PDE10A: variants seen among roughly 807,000 people sequenced by gnomAD.
The protein encoded by PDE10A is phosphodiesterase 10A.
Under a neutral mutation model 97.7 loss-of-function variants are expected in PDE10A, and 39 were observed. That is an observed-to-expected ratio of 0.40 (90% CI 0.31 to 0.52). The LOEUF is 0.52. PDE10A is among the 20% of genes least tolerant of loss of function. The pLI, the probability that PDE10A is intolerant of heterozygous loss-of-function variation, is 0.56. For missense variants in PDE10A, 731 were observed against 1,047.8 expected, an observed-to-expected ratio of 0.70 and a Z score of 4.17; for synonymous variants, 371 against 376.8, an observed-to-expected ratio of 0.98 and a Z score of 0.18.
At chr6:165,482,381 C>T (rs372101677) in intron 2 of PDE10A, 38 bp from the exon 3 acceptor site, 9 of 1,530,272 alleles carry the variant, frequency 5.9e-6, no homozygotes, top group Admixed American at 3.3e-5. Context: ...ACACAATTAG[C>T]GACTGAGTAG....
chr6:165,468,059 C>T (rs1319290254), intron 3 of PDE10A, among the ~76,000 whole-genome samples: 78 of 152,062 alleles, frequency 5.1e-4, no homozygotes, highest in Non-Finnish European at 4.4e-5. Context: ...CATTTTTTAG[C>T]AATAAAGCCA....
intron 1 of PDE10A, among the ~76,000 whole-genome samples, chr6:165,742,534 A>G (rs888464305): frequency 1.4e-4 from 22 of 152,192 alleles, no homozygotes; most frequent in African/African-American, 5.3e-4. Flanking sequence ...TCAAGAAGAG[A>G]CCTCACACAG....
chr6:165,696,708 G>C (rs1450781487), intron 1 of PDE10A, among the ~76,000 whole-genome samples: 1 of 152,218 alleles, frequency 6.6e-6, no homozygotes, highest in South Asian at 2.1e-4. Context: ...AATTGCATGT[G>C]AGAATGACCA....
intron 1 of PDE10A, among the ~76,000 whole-genome samples, chr6:165,907,106 C>T (rs1396469990): frequency 6.6e-6 from 1 of 152,226 alleles, no homozygotes; most frequent in Non-Finnish European, 1.5e-5. Context: ...AGGTTTTGAA[C>T]TCATCAGGAC....
chr6:165,625,206 T>C (rs1788326376), intron 1 of PDE10A, among the ~76,000 whole-genome samples: 1 of 152,236 alleles, frequency 6.6e-6, no homozygotes, highest in South Asian at 2.1e-4. Flanking sequence ...GACAGCTGAC[T>C]GGCCCTGCGC....
intron 1 of PDE10A, among the ~76,000 whole-genome samples, chr6:165,789,698 C>T (rs1022919900): frequency 2.0e-5 from 3 of 152,184 alleles, no homozygotes; most frequent in Admixed American, 6.5e-5. Context: ...AAACGCCGTG[C>T]GGTCACTAGA....
intron 18 of PDE10A, among the ~76,000 whole-genome samples, chr6:165,373,160 T>C (rs949325980): frequency 1.7e-4 from 25 of 151,018 alleles, no homozygotes; most frequent in Non-Finnish European, 2.8e-4. Context: ...ATTCAGGACA[T>C]AGGCATGGGC....
chr6:165,523,242 C>T (rs1782236595), intron 2 of PDE10A, among the ~76,000 whole-genome samples: 1 of 152,140 alleles, frequency 6.6e-6, no homozygotes, highest in Non-Finnish European at 1.5e-5. Context: ...CTATCAACGT[C>T]ATTTTTCACA....
intron 1 of PDE10A, among the ~76,000 whole-genome samples, chr6:165,712,144 G>A (rs1221774353): frequency 6.6e-6 from 1 of 152,154 alleles, no homozygotes; most frequent in Non-Finnish European, 1.5e-5. Context: ...TGGTGTGGAG[G>A]AGGAAAAGGG....
At chr6:165,556,001 C>T (rs1370041732) in intron 1 of PDE10A, among the ~76,000 whole-genome samples, 3 of 151,624 alleles carry the variant, frequency 2.0e-5, no homozygotes, top group East Asian at 1.9e-4. Context: ...AACTTGCAGA[C>T]GAACTGCATA....
intron 5 of PDE10A, among the ~76,000 whole-genome samples, chr6:165,441,717 A>G (rs931589398): frequency 1.3e-5 from 2 of 152,212 alleles, no homozygotes; most frequent in Non-Finnish European, 2.9e-5. Context: ...ATGCGGGTAC[A>G]GGAGCCCAGG....
intron 1 of PDE10A, among the ~76,000 whole-genome samples, chr6:165,813,508 G>A (rs949713776): frequency 1.3e-5 from 2 of 152,110 alleles, no homozygotes; most frequent in Non-Finnish European, 2.9e-5. Context: ...TACATCCTAG[G>A]CTCCTTCCCG....
At chr6:165,699,133 G>A (rs1487051198) in intron 1 of PDE10A, among the ~76,000 whole-genome samples, 2 of 152,158 alleles carry the variant, frequency 1.3e-5, no homozygotes, top group Admixed American at 1.3e-4. Flanking sequence ...TAGATTTAAG[G>A]TAAAAGGATG....
chr6:165,529,287 G>A (rs1330875076), intron 2 of PDE10A, among the ~76,000 whole-genome samples: 1 of 152,176 alleles, frequency 6.6e-6, no homozygotes, highest in Non-Finnish European at 1.5e-5. Flanking sequence ...TGGATTACAG[G>A]AGATCCGTTA....
intron 1 of PDE10A, among the ~76,000 whole-genome samples, chr6:165,870,756 T>C (rs1583214403): frequency 6.6e-6 from 1 of 152,232 alleles, no homozygotes; most frequent in South Asian, 2.1e-4. Flanking sequence ...ATATACACAA[T>C]GGAATATTAT....
chr6:165,958,661 AAAGGAAGGGAAAG>A (rs1177753378), intron 1 of PDE10A, among the ~76,000 whole-genome samples: 2 of 151,864 alleles, frequency 1.3e-5, no homozygotes, highest in African/African-American at 4.8e-5. Context: ...AAATGAAAGG[AAAGGAAGGGAAAG>A]AAGGAAGGAA....
chr6:165,355,188 T>C (rs1374766696), intron 18 of PDE10A, among the ~76,000 whole-genome samples: 1 of 152,190 alleles, frequency 6.6e-6, no homozygotes, highest in Admixed American at 6.5e-5. Flanking sequence ...TTTTACAAAA[T>C]GCAGATTTAT....
intron 1 of PDE10A, chr6:165,908,771 G>C (rs1235157679): frequency 6.6e-6 from 1 of 152,230 alleles, no homozygotes; most frequent in Admixed American, 6.5e-5. Flanking sequence ...TAAATCTCCA[G>C]GGTGGAGCCT....
intron 1 of PDE10A, among the ~76,000 whole-genome samples, chr6:165,975,901 T>A (rs916851549): frequency 6.6e-6 from 1 of 152,238 alleles, no homozygotes; most frequent in African/African-American, 2.4e-5. Flanking sequence ...TCCCAGCACC[T>A]CTCTTGGATT....
Sources: allele counts gnomAD v4.1 joint callset (sites outside exome capture counted in the v4.1 genomes callset), GRCh38; gene constraint gnomAD v4.1.1; transcripts MANE v1.5; gene names NCBI Gene and HGNC (gene_info 2026-07-23, HGNC 2026-07-21).